The following ELOVL7 variants were observed in gnomAD, a reference collection of about 807,000 sequenced individuals.
ELOVL7 encodes ELOVL fatty acid elongase 7, also known as very long chain fatty acid elongase 7.
A neutral mutation model predicts 35.7 loss-of-function variants in ELOVL7; 27 were observed. That is an observed-to-expected ratio of 0.76 (90% CI 0.56 to 1.04). The LOEUF is 1.04. ELOVL7 is among the 50% of genes least tolerant of loss of function. ELOVL7 has a pLI of 0.00. For synonymous variants in ELOVL7, 113 were observed against 114.6 expected (o/e 0.99, Z 0.09); for missense variants, 327 against 340.8 (o/e 0.96, Z 0.32).
Position 60,757,627 on chromosome 5 carries a change from T to C in ELOVL7, c.518A>G (p.His173Arg). Residue 173 changes from histidine (H) to arginine (R), a missense_variant, in exon 8 of 9, where the codon CAT becomes CGT. Transcript: ENST00000508821. ...ATGTACAGCTGTATTTAGAAGGGCA[T>C]GGAATGTTCCCAAACCACCTGGAAA... ...KFAAGGLGTF[H>R]ALLNTAVHVV... 1 of 1,582,528 alleles carries C rather than the reference T, an allele frequency of 6.3e-7. No individual in the cohort carries two copies. The highest frequency in any genetic ancestry group is 1.3e-5 in the African/African-American group (1 of 74,734).
chr5:60,764,973 A>G lies in ELOVL7; in HGVS notation c.394-641T>C, dbSNP rs979999327. Among the ~76,000 whole-genome samples, 12 of 152,178 alleles carry G rather than the reference A, an allele frequency of 7.9e-5. No individual in the cohort carries two copies. The East Asian group carries it at 9.6e-4, about 12-fold the overall frequency. On this transcript the variant is annotated intron_variant, in intron 6 of 8. Coordinates refer to ENST00000508821, the MANE Select transcript of ELOVL7 (RefSeq NM_024930.3). ...TCAACAAAATGGTAGAATTTGGGAG[A>G]GGGGGAAATTTTCAAAAAATATTCC...
At chr5:60,819,889 C>T (rs1360528950) in intron 1 of ELOVL7, among the ~76,000 whole-genome samples, 1 of 152,162 alleles carries the variant, frequency 6.6e-6, no homozygotes, top group Non-Finnish European at 1.5e-5. Flanking sequence ...CCCTCCGCGC[C>T]TAATATGTCC....
chr5:60,791,846 C>T (rs1743957108), intron 2 of ELOVL7, among the ~76,000 whole-genome samples: 1 of 152,138 alleles, frequency 6.6e-6, no homozygotes, highest in Admixed American at 6.5e-5. Context: ...GTGAAATATT[C>T]TAGTTTTACA....
intron 1 of ELOVL7, among the ~76,000 whole-genome samples, chr5:60,820,616 C>T (rs547351383): frequency 2.0e-5 from 3 of 152,136 alleles, no homozygotes; most frequent in Non-Finnish European, 4.4e-5. Context: ...CAGAAAGGCA[C>T]CTAACTGGTA....
intron 2 of ELOVL7, among the ~76,000 whole-genome samples, chr5:60,791,535 T>G (rs1045161631): frequency 2.0e-5 from 3 of 152,172 alleles, no homozygotes; most frequent in Non-Finnish European, 2.9e-5. Flanking sequence ...TAAAATATAT[T>G]TTTTTAAGTT....
At chr5:60,803,284 A>C (rs1265007881) in intron 1 of ELOVL7, among the ~76,000 whole-genome samples, 1 of 152,188 alleles carries the variant, frequency 6.6e-6, no homozygotes, top group Non-Finnish European at 1.5e-5. Flanking sequence ...CAGAATAAGG[A>C]AGAAGAGTGG....
chr5:60,807,571 G>C (rs1745002664), intron 1 of ELOVL7, among the ~76,000 whole-genome samples: 1 of 151,070 alleles, frequency 6.6e-6, no homozygotes, highest in African/African-American at 2.4e-5. Flanking sequence ...AATAAACTGT[G>C]GGGGGAAAGA....
intron 1 of ELOVL7, among the ~76,000 whole-genome samples, chr5:60,842,810 A>G (rs1169580123): frequency 6.6e-6 from 1 of 152,104 alleles, no homozygotes; most frequent in Non-Finnish European, 1.5e-5. Flanking sequence ...AATAATATTA[A>G]TATCTACTTC....
At chr5:60,773,391 A>G (rs1456777695) in intron 3 of ELOVL7, among the ~76,000 whole-genome samples, 1 of 152,176 alleles carries the variant, frequency 6.6e-6, no homozygotes, top group Non-Finnish European at 1.5e-5. Flanking sequence ...TACCCCTGCA[A>G]GTGTGACTTC....
intron 7 of ELOVL7, among the ~76,000 whole-genome samples, chr5:60,757,855 T>C (rs985254709): frequency 6.6e-6 from 1 of 152,160 alleles, no homozygotes; most frequent in African/African-American, 2.4e-5. Context: ...TAAATTAGCG[T>C]ATCTTTATTT....
chr5:60,787,778 G>A (rs1326314150), intron 2 of ELOVL7, among the ~76,000 whole-genome samples: 1 of 152,198 alleles, frequency 6.6e-6, no homozygotes, highest in African/African-American at 2.4e-5. Flanking sequence ...AAGTGGCAAA[G>A]CTAAAGCAGA....
chr5:60,792,974 G>A (rs1273526502), intron 2 of ELOVL7, among the ~76,000 whole-genome samples: 2 of 152,180 alleles, frequency 1.3e-5, no homozygotes, highest in Admixed American at 1.3e-4. Flanking sequence ...CCTAAGTTTA[G>A]TGGAGGTGCC....
intron 1 of ELOVL7, among the ~76,000 whole-genome samples, chr5:60,805,845 G>A (rs1193349576): frequency 2.0e-5 from 3 of 152,282 alleles, no homozygotes; most frequent in South Asian, 2.1e-4. Context: ...GAAAGAGACT[G>A]AGCCTCATTA....
chr5:60,761,199 C>T (rs1741888791), intron 7 of ELOVL7, among the ~76,000 whole-genome samples: 2 of 152,028 alleles, frequency 1.3e-5, no homozygotes, highest in Non-Finnish European at 2.9e-5. Context: ...ACATTTTACT[C>T]CTTTGGAAAA....
intron 1 of ELOVL7, among the ~76,000 whole-genome samples, chr5:60,801,302 G>T (rs527820011): frequency 6.6e-6 from 1 of 152,248 alleles, no homozygotes; most frequent in Admixed American, 6.5e-5. Context: ...GCTGACTGGA[G>T]GATCTAGCCA....
intron 3 of ELOVL7, chr5:60,785,917 T>C (rs1428819207): frequency 3.3e-5 from 5 of 152,190 alleles, no homozygotes; most frequent in Non-Finnish European, 7.3e-5. Flanking sequence ...AAGCTGCAAA[T>C]GATGAAACAG....
intron 3 of ELOVL7, among the ~76,000 whole-genome samples, chr5:60,777,892 C>T (rs1039989785): frequency 6.6e-6 from 1 of 152,188 alleles, no homozygotes; most frequent in African/African-American, 2.4e-5. Flanking sequence ...AATGCCACTA[C>T]ATTTAACAAA....
intron 1 of ELOVL7, among the ~76,000 whole-genome samples, chr5:60,840,851 G>A (rs1182721868): frequency 1.3e-5 from 2 of 152,068 alleles, no homozygotes; most frequent in African/African-American, 4.8e-5. Context: ...CTATAACTTA[G>A]GTTGTTTATA....
chr5:60,828,644 G>A (rs73759426), intron 1 of ELOVL7, among the ~76,000 whole-genome samples: 3,032 of 152,180 alleles, frequency 0.02, 120 homozygotes, highest in African/African-American at 0.069. Flanking sequence ...GGTGAACACT[G>A]CATTTTGAAT....
Sources: allele counts gnomAD v4.1 joint callset (sites outside exome capture counted in the v4.1 genomes callset), GRCh38; gene constraint gnomAD v4.1.1; transcripts MANE v1.5; gene names NCBI Gene and HGNC (gene_info 2026-07-23, HGNC 2026-07-21).